Variants in AAMDC observed in about 807,000 individuals in gnomAD.
AAMDC encodes adipogenesis associated Mth938 domain containing.
A neutral mutation model predicts 15.5 loss-of-function variants in AAMDC; 16 were observed. The ratio of observed to expected loss-of-function variants is 1.03; its 90% CI spans 0.70 to 1.57. The LOEUF (loss-of-function observed/expected upper bound fraction) is 1.57. AAMDC is among the 40% of genes most tolerant of loss of function. AAMDC has a pLI of 0.00. For missense variants in AAMDC, 141 were observed against 144.9 expected, an observed-to-expected ratio of 0.97 and a Z score of 0.14; for synonymous variants, 51 against 51.6, an observed-to-expected ratio of 0.99 and a Z score of 0.05.
chr11:77,878,163 C>T (rs530297438), intron 5 of AAMDC, among the ~76,000 whole-genome samples: 1 of 151,994 alleles, frequency 6.6e-6, no homozygotes, highest in Non-Finnish European at 1.5e-5. Context: ...GAGATCAAGA[C>T]CATCCTGGCT....
chr11:77,891,010 C>T (rs1486196940), intron 5 of AAMDC, among the ~76,000 whole-genome samples: 1 of 152,182 alleles, frequency 6.6e-6, no homozygotes. Context: ...CGTCACATTA[C>T]AAGATTAGAA....
intron 1 of AAMDC, among the ~76,000 whole-genome samples, chr11:77,838,245 G>A (rs902758915): frequency 1.3e-4 from 18 of 143,206 alleles, no homozygotes; most frequent in African/African-American, 3.0e-4. Flanking sequence ...ATGTGTCAAC[G>A]TGGTAAGGTT....
intron 2 of AAMDC, among the ~76,000 whole-genome samples, chr11:77,845,994 G>C (rs183122166): frequency 2.5e-3 from 371 of 150,448 alleles, no homozygotes; most frequent in African/African-American, 8.2e-3. Flanking sequence ...TTGTTGTTTT[G>C]TTTATATTTC....
At chr11:77,844,014 A>G (rs1778630274) in intron 2 of AAMDC, among the ~76,000 whole-genome samples, 1 of 151,504 alleles carries the variant, frequency 6.6e-6, no homozygotes, top group South Asian at 2.1e-4. Context: ...CCATAATTCA[A>G]TCACCTCCCA....
chr11:77,876,611 AC>A (rs1951601662), downstream of AAMDC, among the ~76,000 whole-genome samples: 1 of 152,140 alleles, frequency 6.6e-6, no homozygotes, highest in South Asian at 2.1e-4. Flanking sequence ...AGAATTCTAT[AC>A]CCCCTAGTAC....
chr11:77,903,724 T>C (rs2276349), downstream of AAMDC: 1 of 757,258 alleles, frequency 1.3e-6, no homozygotes. Flanking sequence ...CCCATGAACA[T>C]GACTTCTCAA....
At chr11:77,901,424 C>G (rs1368262583), downstream of AAMDC, 8 of 1,613,936 alleles carry the variant, frequency 5.0e-6, no homozygotes, top group East Asian at 1.8e-4. Context: ...ATCTTACCCT[C>G]GTGTAGTTCG....
chr11:77,842,502 T>C lies in AAMDC; in HGVS notation c.6T>C (p.Thr2=). M[T]SPEIASLSWG... The stretch of plus-strand genomic sequence containing the variant: ...AGACTTCAGTGAAGTTCCTTATGAC[T>C]TCCCCTGAAATTGCTTCCTTATCAT... Residue 2 remains threonine (T), a synonymous_variant, in exon 2 of 4, where the codon ACT becomes ACC. Coordinates refer to ENST00000393427, the MANE Select transcript of AAMDC (RefSeq NM_024684.4). The C allele has an allele frequency of 1.2e-6, 2 of 1,613,798 alleles. No homozygotes were observed. Among genetic ancestry groups the C allele is most frequent in the Non-Finnish European group, 1.7e-6 (2 of 1,179,956 alleles).
chr11:77,861,673 A>G (rs899161403), intron 2 of AAMDC, among the ~76,000 whole-genome samples: 4 of 152,212 alleles, frequency 2.6e-5, no homozygotes, highest in African/African-American at 9.7e-5. Context: ...TCTTTTTTAA[A>G]GTGTCCTTGT....
At chr11:77,847,236 C>T (rs1950183975) in intron 2 of AAMDC, among the ~76,000 whole-genome samples, 1 of 152,152 alleles carries the variant, frequency 6.6e-6, no homozygotes, top group Non-Finnish European at 1.5e-5. Flanking sequence ...TTTCCAACTC[C>T]CCCTTCACTT....
intron 5 of AAMDC, among the ~76,000 whole-genome samples, chr11:77,886,338 G>A (rs1387497403): frequency 2.0e-5 from 3 of 152,148 alleles, no homozygotes; most frequent in African/African-American, 7.2e-5. Context: ...AGAAACCTGT[G>A]GCCCAAGTAG....
At chr11:77,840,082 G>C (rs552957304) in intron 1 of AAMDC, among the ~76,000 whole-genome samples, 9 of 122,612 alleles carry the variant, frequency 7.3e-5, no homozygotes, top group Admixed American at 6.8e-4. Context: ...TTAGAGTATG[G>C]AGAGGGGGAC....
chr11:77,876,045 C>A (rs1303661506), downstream of AAMDC, among the ~76,000 whole-genome samples: 1 of 152,054 alleles, frequency 6.6e-6, no homozygotes, highest in South Asian at 2.1e-4. Flanking sequence ...CAGATCAGCT[C>A]ATCACTTAAG....
intron 3 of AAMDC, 21 bp from the exon 4 acceptor site, chr11:77,872,154 A>G (rs747971261): frequency 3.7e-6 from 6 of 1,607,276 alleles, no homozygotes; most frequent in Non-Finnish European, 5.1e-6. Flanking sequence ...CTACTTACTC[A>G]TCTCTTTTCC....
At chr11:77,824,802 C>T (rs1369119094) in intron 1 of AAMDC, among the ~76,000 whole-genome samples, 1 of 152,188 alleles carries the variant, frequency 6.6e-6, no homozygotes, top group East Asian at 1.9e-4. Flanking sequence ...ATTCATTGAA[C>T]TCTATAAACA....
At chr11:77,901,685 G>A (rs1450572362), downstream of AAMDC, 2 of 676,772 alleles carry the variant, frequency 3.0e-6, no homozygotes, top group Non-Finnish European at 5.0e-6. Flanking sequence ...TTTAAGTGTT[G>A]AAAGAAATTA....
At chr11:77,850,791 C>CACAT (rs1292068253) in intron 2 of AAMDC, 1 of 11,994 alleles carries the variant, frequency 8.3e-5, no homozygotes. Flanking sequence ...CACATACACA[C>CACAT]ACACACACAC....
At position 77,824,780 on chromosome 11, in the gene AAMDC, T is replaced by A. The variant is rs544561302; in HGVS notation, c.-19+3539T>A. On this transcript the variant is annotated intron_variant, in intron 1 of 3. Coordinates refer to ENST00000393427, the MANE Select transcript of AAMDC (RefSeq NM_024684.4). ...AGTTTCTATATCTTGATTGGCAAGTTTATTTCTCAAAATTCATTGAACTCT... is the reference window on the plus strand; with the variant it reads ...AGTTTCTATATCTTGATTGGCAAGTATATTTCTCAAAATTCATTGAACTCT... Among the ~76,000 whole-genome samples the A allele has an allele frequency of 1.1e-3, 162 of 152,342 alleles. 1 individual carries two copies. Among genetic ancestry groups the A allele is most frequent in the African/African-American group, 3.8e-3 (158 of 41,586 alleles).
intron 5 of AAMDC, among the ~76,000 whole-genome samples, chr11:77,887,912 T>C (rs987518228): frequency 1.3e-5 from 2 of 151,972 alleles, no homozygotes; most frequent in Non-Finnish European, 2.9e-5. Context: ...CACTGCTCAA[T>C]GAAATAAAAG....
Sources: allele counts gnomAD v4.1 joint callset (sites outside exome capture counted in the v4.1 genomes callset), GRCh38; gene constraint gnomAD v4.1.1; transcripts MANE v1.5; gene names NCBI Gene and HGNC (gene_info 2026-07-23, HGNC 2026-07-21).